Variants in PDZD8 observed in about 807,000 individuals in gnomAD.
PDZD8 encodes the protein PDZ domain-containing protein 8.
PDZD8 carries 14 observed loss-of-function variants against 85.8 expected under a neutral mutation model. The ratio of observed to expected loss-of-function variants is 0.16; its 90% confidence interval spans 0.11 to 0.26. PDZD8 has a LOEUF of 0.26. PDZD8 is among the 10% of genes least tolerant of loss of function. The probability of loss-of-function intolerance (pLI) is 1.00; values close to 1 mark genes in which losing one functional copy is unlikely to be tolerated. For synonymous variants in PDZD8, 592 were observed against 568.6 expected, an observed-to-expected ratio of 1.04 and a Z score of -0.59; for missense variants, 1,197 against 1,424.3, an observed-to-expected ratio of 0.84 and a Z score of 2.57.
In PDZD8 at chr10:117,277,947, C is replaced by T. The variant is rs555933371; in HGVS notation, c.*5321G>A. The T allele has an allele frequency of 2.0e-5, 3 of 152,092 alleles. No individual in the cohort carries two copies. The South Asian group carries it at 6.2e-4, about 32-fold the overall frequency. 9.4% of individuals were successfully genotyped at this position (152,092 alleles called of 1,614,324 possible). A position where few individuals can be genotyped will look rare whatever the true frequency, so the allele number is the denominator to read the frequency against. ...ATCTGGTTGGCAGCAAACACTAAAG[C>T]CAATAAAGGAAAAACAGTAAATGTT... On this transcript the variant is annotated 3_prime_UTR_variant, in exon 5 of 5. Coordinates refer to ENST00000334464, the MANE Select transcript of PDZD8 (RefSeq NM_173791.5).
rs902079132 is a variant in PDZD8 at position 117,281,938 on chromosome 10, A to G, written c.*1330T>C. ...ATATACTTGTCTATTTTATAGGTAT[A>G]TAACAGACCGAAACCATTAAGGTAC... On this transcript the variant is annotated 3_prime_UTR_variant, in exon 5 of 5. Coordinates refer to ENST00000334464, the MANE Select transcript of PDZD8 (RefSeq NM_173791.5). The G allele has an allele frequency of 1.3e-5, 2 of 152,236 alleles. No homozygotes were observed. The highest frequency in any genetic ancestry group is 4.8e-5 in the African/African-American group (2 of 41,462). 9.4% of individuals were successfully genotyped at this position (152,236 alleles called of 1,614,324 possible).
chr10:117,307,729 A>G (rs949601114), intron 3 of PDZD8, among the ~76,000 whole-genome samples: 1 of 152,008 alleles, frequency 6.6e-6, no homozygotes, highest in Admixed American at 6.6e-5. Context: ...TCGACTTTAA[A>G]CTCTACTCAT....
chr10:117,303,890 G>A (rs1245058256), intron 3 of PDZD8, among the ~76,000 whole-genome samples: 1 of 152,236 alleles, frequency 6.6e-6, no homozygotes, highest in East Asian at 1.9e-4. Flanking sequence ...GGATGCCCAG[G>A]CAAAAGTTTA....
rs547008123 is a variant in PDZD8 at position 117,375,403 on chromosome 10, G to T, written c.-176C>A. ...GCGCTGCGGCGCCCGAGCCCGCAGC[G>T]GCCCGCGCCTCCTCAGACGCTCCCG... is the stretch of plus-strand genomic sequence containing the variant. On this transcript the variant is annotated 5_prime_UTR_variant, in exon 1 of 5. Transcript: ENST00000334464. 1.8e-5 allele frequency: 6 copies of T among 333,570 alleles called. No individual in the cohort carries two copies. Among genetic ancestry groups the T allele is most frequent in the Admixed American group, 5.0e-5 (1 of 20,114 alleles). 20.7% of individuals were successfully genotyped at this position (333,570 alleles called of 1,614,324 possible).
intron 2 of PDZD8, among the ~76,000 whole-genome samples, chr10:117,330,876 C>A (rs762720824): frequency 1.1e-4 from 17 of 152,190 alleles, no homozygotes; most frequent in Non-Finnish European, 2.2e-4. Context: ...AAATACTTTA[C>A]AATTCTAATT....
intron 3 of PDZD8, among the ~76,000 whole-genome samples, chr10:117,308,402 T>TA (rs1300927412): frequency 6.6e-6 from 1 of 152,054 alleles, no homozygotes; most frequent in African/African-American, 2.4e-5. Flanking sequence ...GGAGTGAGTG[T>TA]AGGGGATTTA....
At chr10:117,324,223 A>G (rs1211873273) in intron 2 of PDZD8, among the ~76,000 whole-genome samples, 2 of 150,050 alleles carry the variant, frequency 1.3e-5, no homozygotes, top group Non-Finnish European at 3.0e-5. Context: ...AAAAAAAAAA[A>G]AAAAAAAAAA....
In PDZD8 at chr10:117,284,271, ACTT is replaced by A. The variant is rs1271162563; in HGVS notation, c.2459_2461del (p.Glu820del). Reference sequence around the variant, plus strand: ...TTGCTCCTCTTTAGGGAGAACAGAAACTTCTTCAACCAAATGGGGTTCTTTTTC... The same window carrying A: ...TTGCTCCTCTTTAGGGAGAACAGAAACTTCAACCAAATGGGGTTCTTTTTC... On this transcript the variant is annotated inframe_deletion, in exon 5 of 5. Coordinates refer to ENST00000334464, the MANE Select transcript of PDZD8 (RefSeq NM_173791.5). 6.2e-7 allele frequency: 1 copy of A among 1,614,158 alleles called. No individual in the cohort carries two copies. The highest frequency in any genetic ancestry group is 8.5e-7 in the Non-Finnish European group (1 of 1,180,024).
intron 1 of PDZD8, among the ~76,000 whole-genome samples, chr10:117,354,741 G>A (rs200361351): frequency 1.3e-5 from 2 of 152,156 alleles, no homozygotes; most frequent in East Asian, 3.9e-4. Context: ...CTTTCAGTCG[G>A]AAAGTTTTGG....
rs1844512422 is a variant in PDZD8, at chr10:117,277,337, A to C, written c.*5931T>G. 2.2e-5 allele frequency: 20 copies of C among 928,556 alleles called. No individual in the cohort carries two copies. Among genetic ancestry groups the C allele is most frequent in the Non-Finnish European group, 3.4e-5 (20 of 593,542 alleles). The allele number at this position is 928,556 out of a possible 1,614,324, so 57.5% of individuals were successfully genotyped here. On this transcript the variant is annotated 3_prime_UTR_variant, in exon 5 of 5. Coordinates refer to ENST00000334464, the MANE Select transcript of PDZD8 (RefSeq NM_173791.5). ...GTGTTTCCAGTGACACAACTCATCC[A>C]GAACTGTCTTAGTCATACCATCCAT... is the stretch of plus-strand genomic sequence containing the variant.
intron 2 of PDZD8, among the ~76,000 whole-genome samples, chr10:117,326,038 A>G (rs917478856): frequency 6.6e-6 from 1 of 152,134 alleles, no homozygotes; most frequent in African/African-American, 2.4e-5. Flanking sequence ...TCACCTTGTG[A>G]AGAAGGTGCC....
At chr10:117,321,614 T>C (rs560809485) in intron 2 of PDZD8, among the ~76,000 whole-genome samples, 1 of 152,254 alleles carries the variant, frequency 6.6e-6, no homozygotes, top group East Asian at 1.9e-4. Flanking sequence ...ACTTGTATAT[T>C]TTAAATGGGT....
rs572886327 is a variant in PDZD8 at position 117,288,056 on chromosome 10, TG to T, written c.1261+2129del. ...TCAGTCATCAGGTGTTTTGTGGAGA[TG>T]GCCATTGCAACTCTCTCTCAGGAAT... On this transcript the variant is annotated intron_variant, in intron 4 of 4. Transcript: ENST00000334464. 1.4e-3 allele frequency among the ~76,000 whole-genome samples: 211 copies of T among 152,320 alleles called. 1 individual carries two copies. Among genetic ancestry groups the T allele is most frequent in the African/African-American group, 4.8e-3 (200 of 41,574 alleles).
chr10:117,310,006 G>A (rs1004841994), intron 3 of PDZD8, among the ~76,000 whole-genome samples: 12 of 152,128 alleles, frequency 7.9e-5, no homozygotes, highest in African/African-American at 2.7e-4. Context: ...AGAGTAACAG[G>A]CAAACTTCTT....
At chr10:117,336,399 T>C (rs1844515703) in intron 2 of PDZD8, among the ~76,000 whole-genome samples, 1 of 152,234 alleles carries the variant, frequency 6.6e-6, no homozygotes, top group South Asian at 2.1e-4. Flanking sequence ...TGAAGAGGTC[T>C]ATGAATATAT....
chr10:117,338,273 A>C (rs1383540805), intron 2 of PDZD8, among the ~76,000 whole-genome samples: 2 of 152,186 alleles, frequency 1.3e-5, no homozygotes, highest in African/African-American at 4.8e-5. Flanking sequence ...AAACTATGTA[A>C]ACAATAACAC....
At chr10:117,302,697 C>T (rs1328767985) in intron 3 of PDZD8, among the ~76,000 whole-genome samples, 1 of 152,156 alleles carries the variant, frequency 6.6e-6, no homozygotes, top group Non-Finnish European at 1.5e-5. Context: ...CCAGAATTCA[C>T]ATATGTTGTG....
At chr10:117,350,343 C>A (rs1248313701) in intron 1 of PDZD8, among the ~76,000 whole-genome samples, 1 of 149,508 alleles carries the variant, frequency 6.7e-6, no homozygotes, top group Non-Finnish European at 1.5e-5. Flanking sequence ...TAGCTCACTG[C>A]AACTTCTGCC....
At chr10:117,314,839 A>G (rs1189483684) in intron 3 of PDZD8, among the ~76,000 whole-genome samples, 1 of 152,168 alleles carries the variant, frequency 6.6e-6, no homozygotes, top group Non-Finnish European at 1.5e-5. Context: ...TGGATTTTCA[A>G]CCTCGTGTCT....
Sources: allele counts gnomAD v4.1 joint callset (sites outside exome capture counted in the v4.1 genomes callset), GRCh38; gene constraint gnomAD v4.1.1; transcripts MANE v1.5; gene names NCBI Gene and HGNC (gene_info 2026-07-23, HGNC 2026-07-21).